The following ATP11A variants were observed in gnomAD, a reference collection of about 807,000 sequenced individuals.
ATP11A encodes ATPase phospholipid transporting 11A.
A neutral mutation model predicts 154.4 loss-of-function variants in ATP11A; 81 were observed. The observed-to-expected ratio is 0.52, with a 90% confidence interval of 0.44 to 0.63. The LOEUF (loss-of-function observed/expected upper bound fraction) is 0.63. ATP11A is among the 30% of genes least tolerant of loss of function. The pLI is 0.00. For synonymous variants in ATP11A, 623 were observed against 585.9 expected, an observed-to-expected ratio of 1.06 and a Z score of -0.91; for missense variants, 1,316 against 1,474.3, an observed-to-expected ratio of 0.89 and a Z score of 1.76.
intron 16 of ATP11A, among the ~76,000 whole-genome samples, chr13:112,839,656 A>G (rs2079338877): frequency 6.6e-6 from 1 of 152,200 alleles, no homozygotes. Flanking sequence ...CACGGTCTTC[A>G]GTTGCTCATT....
At chr13:112,699,575 T>C (rs1315150909) in intron 1 of ATP11A, among the ~76,000 whole-genome samples, 1 of 152,250 alleles carries the variant, frequency 6.6e-6, no homozygotes, top group Non-Finnish European at 1.5e-5. Context: ...GTGTGCTTTA[T>C]GTGCAAACGT....
intron 1 of ATP11A, among the ~76,000 whole-genome samples, chr13:112,771,161 C>T (rs1470796229): frequency 1.3e-5 from 2 of 152,366 alleles, no homozygotes; most frequent in South Asian, 2.1e-4. Flanking sequence ...TAACCTGATG[C>T]GGGCAGCCAC....
intron 1 of ATP11A, among the ~76,000 whole-genome samples, chr13:112,694,574 C>T (rs779323841): frequency 6.6e-6 from 1 of 152,200 alleles, no homozygotes; most frequent in African/African-American, 2.4e-5. Flanking sequence ...TTCCCTCCCT[C>T]TTCCCTTCCA....
intron 1 of ATP11A, among the ~76,000 whole-genome samples, chr13:112,693,694 G>A (rs916129575): frequency 3.3e-5 from 5 of 152,154 alleles, no homozygotes; most frequent in Non-Finnish European, 7.3e-5. Flanking sequence ...GCTCATGCCT[G>A]TAATCCCAGC....
At chr13:112,847,353 G>C (rs891223892) in intron 17 of ATP11A, among the ~76,000 whole-genome samples, 1 of 152,190 alleles carries the variant, frequency 6.6e-6, no homozygotes, top group African/African-American at 2.4e-5. Flanking sequence ...ATGAAGATTT[G>C]CCACCACTGT....
At chr13:112,824,929 C>T (rs2078893891) in intron 10 of ATP11A, among the ~76,000 whole-genome samples, 1 of 152,168 alleles carries the variant, frequency 6.6e-6, no homozygotes, top group Non-Finnish European at 1.5e-5. Flanking sequence ...TCTGCTAAGA[C>T]CTTAGTTAAG....
intron 1 of ATP11A, among the ~76,000 whole-genome samples, chr13:112,706,772 C>T (rs1419379966): frequency 6.6e-6 from 1 of 152,084 alleles, no homozygotes; most frequent in Non-Finnish European, 1.5e-5. Flanking sequence ...TAAAGGACGG[C>T]ATGGTTTCAG....
intron 2 of ATP11A, among the ~76,000 whole-genome samples, chr13:112,793,851 G>A (rs555207771): frequency 2.1e-3 from 317 of 152,342 alleles, no homozygotes; most frequent in Non-Finnish European, 3.8e-3. Context: ...GCCAGGTGAG[G>A]CCATGCTCTT....
chr13:112,707,770 A>G (rs1887312717), intron 1 of ATP11A, among the ~76,000 whole-genome samples: 1 of 152,204 alleles, frequency 6.6e-6, no homozygotes, highest in South Asian at 2.1e-4. Context: ...AGTGGATCTT[A>G]TATGACAACC....
At position 112,738,299 on chromosome 13, in the gene ATP11A, G is replaced by A. The variant is rs146985866; in HGVS notation, c.40-46836G>A. On this transcript the variant is annotated intron_variant, in intron 1 of 29. Transcript: ENST00000375645. ...GAGGCAGGAGAATTGCTTGCACCCA[G>A]GAAGCAGAGGTTGCAGTGAATTGAG... Among the ~76,000 whole-genome samples the A allele has an allele frequency of 1.5e-3, 225 of 152,244 alleles. 4 individuals carry two copies. The highest frequency in any genetic ancestry group is 3.1e-3 in the East Asian group (16 of 5,178).
In ATP11A at chr13:112,834,649, C is replaced by A; in HGVS notation, c.1620C>A (p.Asn540Lys). Residue 540 changes from asparagine (N) to lysine (K), a missense_variant, in exon 15 of 30, where the codon AAC (asparagine) becomes AAA (lysine). Coordinates refer to ENST00000375645, the MANE Select transcript of ATP11A (RefSeq NM_015205.3). Reference sequence around the variant, plus strand: ...ACATGGAGATATTAAACAGGGAGAACCACATCGAAAGGTATGTGCAGACCT... The same window carrying A: ...ACATGGAGATATTAAACAGGGAGAAACACATCGAAAGGTATGTGCAGACCT... ...DNYMEILNRE[N>K]HIERFELLEI... 1 of 1,613,470 alleles carries A rather than the reference C, an allele frequency of 6.2e-7. No individual in the cohort carries two copies. The highest frequency in any genetic ancestry group is 8.5e-7 in the Non-Finnish European group (1 of 1,179,456).
At chr13:112,736,328 G>C (rs1005305964) in intron 1 of ATP11A, among the ~76,000 whole-genome samples, 1 of 152,150 alleles carries the variant, frequency 6.6e-6, no homozygotes, top group African/African-American at 2.4e-5. Flanking sequence ...AACCCATATA[G>C]AGCTGCTAAA....
chr13:112,835,920 G>T lies in ATP11A; in HGVS notation c.1632-258G>T, dbSNP rs181211613. ...GGCAGAATCTGAGCCTATGCCCTGG[G>T]TAGGATGGGGACGTAGTGAGGAGCC... On this transcript the variant is annotated intron_variant, in intron 15 of 29. Transcript: ENST00000375645. Among the ~76,000 whole-genome samples the T allele has an allele frequency of 3.5e-3, 535 of 152,354 alleles. 4 individuals are homozygous for T. Among genetic ancestry groups the T allele is most frequent in the African/African-American group, 0.011 (464 of 41,580 alleles).
intron 1 of ATP11A, among the ~76,000 whole-genome samples, chr13:112,694,054 G>T (rs1011792503): frequency 2.6e-5 from 4 of 152,160 alleles, no homozygotes; most frequent in African/African-American, 9.7e-5. Flanking sequence ...TTTAAGTTCC[G>T]AGAGGAACCA....
chr13:112,863,321 A>G (rs1243150831), intron 25 of ATP11A, among the ~76,000 whole-genome samples: 1 of 121,748 alleles, frequency 8.2e-6, no homozygotes, highest in Admixed American at 8.5e-5. Flanking sequence ...AGTGCAGCCC[A>G]TGCAGCTTCC....
intron 1 of ATP11A, among the ~76,000 whole-genome samples, chr13:112,737,638 G>A (rs997268333): frequency 1.3e-5 from 2 of 152,224 alleles, no homozygotes; most frequent in Admixed American, 6.5e-5. Flanking sequence ...CGAGGGCCTC[G>A]TCTGCCTTCT....
At chr13:112,852,475 G>A (rs1022415986) in intron 18 of ATP11A, among the ~76,000 whole-genome samples, 7 of 152,358 alleles carry the variant, frequency 4.6e-5, no homozygotes, top group African/African-American at 1.2e-4. Flanking sequence ...ACAGAGCACC[G>A]TGTAAAGAAC....
intron 1 of ATP11A, among the ~76,000 whole-genome samples, chr13:112,758,975 A>C (rs2076906355): frequency 6.6e-6 from 1 of 152,246 alleles, no homozygotes; most frequent in Non-Finnish European, 1.5e-5. Context: ...AGATGTGAAA[A>C]TCATTGAACC....
chr13:112,690,428 C>A lies in ATP11A; in HGVS notation c.12C>A (p.Ser4Arg). Reference protein sequence around the residue: MDCSLVRTLVHRYC... With the variant: MDCRLVRTLVHRYC... The stretch of plus-strand genomic sequence containing the variant: ...CGGCCGGAGGAGCCATGGACTGCAG[C>A]CTCGTGCGGACGCTCGTGCACAGAT... Residue 4 changes from serine (S) to arginine (R), a missense_variant, in exon 1 of 30, where the codon AGC (serine) becomes AGA (arginine). Transcript: ENST00000375645. This position sits in a 1 kb window ranked among gnomAD's most constrained non-coding sequence, Gnocchi z 5.6. The A allele has an allele frequency of 7.4e-7, 1 of 1,345,656 alleles. No individual in the cohort carries two copies. The allele number at this position is 1,345,656 out of a possible 1,614,324, so 83.4% of individuals were successfully genotyped here.
Sources: allele counts gnomAD v4.1 joint callset (sites outside exome capture counted in the v4.1 genomes callset), GRCh38; gene constraint gnomAD v4.1.1; non-coding constraint Gnocchi (gnomAD v3.1); transcripts MANE v1.5; gene names NCBI Gene and HGNC (gene_info 2026-07-23, HGNC 2026-07-21).